The following ARHGEF38 variants were observed in gnomAD, a reference collection of about 807,000 sequenced individuals.
ARHGEF38 encodes the protein Rho guanine nucleotide exchange factor 38, also known as Rho guanine nucleotide exchange factor (GEF) 38.
A neutral mutation model predicts 79.9 loss-of-function variants in ARHGEF38; 79 were observed. The ratio of observed to expected loss-of-function variants is 0.99; its 90% CI spans 0.82 to 1.19. ARHGEF38 has a LOEUF of 1.19. ARHGEF38 is among the 50% of genes most tolerant of loss of function. The pLI is 0.00. For missense variants in ARHGEF38, 962 were observed against 907.2 expected (o/e 1.06, Z -0.78); for synonymous variants, 366 against 328.3 (o/e 1.11, Z -1.24).
intron 9 of ARHGEF38, among the ~76,000 whole-genome samples, chr4:105,656,410 C>T (rs747273185): frequency 3.1e-4 from 47 of 152,160 alleles, no homozygotes; most frequent in Non-Finnish European, 5.1e-4. Context: ...AAGGCAAAGA[C>T]TTCCTATTGA....
At position 105,662,055 on chromosome 4, in the gene ARHGEF38, A is replaced by G. The variant is rs937511146; in HGVS notation, c.1545+2690A>G. ...ATATTGCCAGATTCCCTGCTTAACT[A>G]TGTACCATTTTGGATTCCCACTTGT... is the stretch of plus-strand genomic sequence containing the variant. On this transcript the variant is annotated intron_variant, in intron 10 of 13. Coordinates refer to ENST00000420470, the MANE Select transcript of ARHGEF38 (RefSeq NM_001242729.2). Among the ~76,000 whole-genome samples the G allele has an allele frequency of 5.3e-5, 8 of 152,146 alleles. No individual in the cohort carries two copies. The East Asian group carries it at 1.5e-3, about 29-fold the overall frequency.
chr4:105,558,445 C>T (rs1362287185), intron 1 of ARHGEF38, among the ~76,000 whole-genome samples: 1 of 152,136 alleles, frequency 6.6e-6, no homozygotes, highest in African/African-American at 2.4e-5. Flanking sequence ...TGCCTTCATA[C>T]ACTCTACAGT....
chr4:105,631,027 A>C lies in ARHGEF38; in HGVS notation c.638A>C (p.His213Pro). ...KEEELKEHLS[H>P]CIQSLKKIYM... is the part of the protein sequence containing the mutation. ...GAAGAGCTGAAGGAACATTTGAGCC[A>C]CTGTATCCAGTCCTTAAAGTAAGGC... is the stretch of plus-strand genomic sequence containing the variant. Residue 213 changes from histidine to proline, a missense_variant, in exon 4 of 14, where the codon CAC becomes CCC. Physicochemically the swap from His to Pro is moderately conservative, Grantham distance 77. Transcript: ENST00000420470. 2 of 1,613,410 alleles carry C rather than the reference A, an allele frequency of 1.2e-6. No individual in the cohort carries two copies. The highest frequency in any genetic ancestry group is 1.7e-6 in the Non-Finnish European group (2 of 1,179,778).
chr4:105,625,200 T>A (rs1036940034), intron 3 of ARHGEF38, among the ~76,000 whole-genome samples: 4 of 152,162 alleles, frequency 2.6e-5, no homozygotes, highest in Admixed American at 2.0e-4. Flanking sequence ...ATATCCTCCA[T>A]AACTAACAGT....
chr4:105,647,832 C>T (rs1230035295), intron 6 of ARHGEF38, among the ~76,000 whole-genome samples: 3 of 151,748 alleles, frequency 2.0e-5, no homozygotes, highest in Non-Finnish European at 2.9e-5. Context: ...TGAAGAGGTG[C>T]TCTAGGATCT....
intron 5 of ARHGEF38, among the ~76,000 whole-genome samples, chr4:105,640,822 A>G (rs986315670): frequency 5.3e-5 from 8 of 152,158 alleles, no homozygotes; most frequent in African/African-American, 1.9e-4. Context: ...TAGCTTTCAG[A>G]GTTGCTATTA....
rs1256096963 is a variant in ARHGEF38, at chr4:105,655,713, T to C, written c.1224T>C (p.Cys408=). 6.5e-7 allele frequency: 1 copy of C among 1,534,536 alleles called. No individual in the cohort carries two copies. Among genetic ancestry groups the C allele is most frequent in the Admixed American group, 2.0e-5 (1 of 50,880 alleles). The change falls in exon 9 of 14, where the codon TGT becomes TGC. Residue 408 remains cysteine (C), a synonymous_variant. Transcript: ENST00000420470. ...SETLSNALNS[C]HDFASHLQRL... is the part of the protein sequence containing the mutation. Reference sequence around the variant, plus strand: ...CCCTAAGTAATGCCTTAAATTCGTGTCATGACTTTGTAAGTTATTTATATT... The same window carrying C: ...CCCTAAGTAATGCCTTAAATTCGTGCCATGACTTTGTAAGTTATTTATATT...
At chr4:105,567,799 A>C (rs538767605) in intron 1 of ARHGEF38, among the ~76,000 whole-genome samples, 11 of 152,132 alleles carry the variant, frequency 7.2e-5, no homozygotes, top group South Asian at 6.2e-4. Flanking sequence ...TTATTATTAT[A>C]CTTTAAGTTT....
At chr4:105,650,577 C>T (rs1730059249) in intron 7 of ARHGEF38, among the ~76,000 whole-genome samples, 1 of 152,220 alleles carries the variant, frequency 6.6e-6, no homozygotes, top group African/African-American at 2.4e-5. Context: ...TTTCTCTTTA[C>T]TCCTATCTTC....
intron 1 of ARHGEF38, among the ~76,000 whole-genome samples, chr4:105,581,459 C>G (rs1416922782): frequency 1.3e-5 from 2 of 152,110 alleles, no homozygotes; most frequent in African/African-American, 2.4e-5. Flanking sequence ...CATCTCCTAA[C>G]CTCTCTCACA....
intron 2 of ARHGEF38, among the ~76,000 whole-genome samples, chr4:105,601,996 G>A (rs1349820603): frequency 6.6e-6 from 1 of 152,032 alleles, no homozygotes; most frequent in Non-Finnish European, 1.5e-5. Context: ...ACCTAATACA[G>A]TGCTTTATAC....
Position 105,587,022 on chromosome 4 carries a change from C to T in ARHGEF38, c.197-2226C>T, listed in dbSNP as rs116225069. On this transcript the variant is annotated intron_variant, in intron 1 of 13. Coordinates refer to ENST00000420470, the MANE Select transcript of ARHGEF38 (RefSeq NM_001242729.2). Reference sequence around the variant, plus strand: ...ACAATGCAGCCTCCTCACTGCAGCTCCTCTCATAAGGTGTCCTGTCTTCCT... The same window carrying T: ...ACAATGCAGCCTCCTCACTGCAGCTTCTCTCATAAGGTGTCCTGTCTTCCT... Among the ~76,000 whole-genome samples the T allele has an allele frequency of 7.1e-3, 1,087 of 152,076 alleles. 18 individuals are homozygous for T. The highest frequency in any genetic ancestry group is 0.025 in the African/African-American group (1,053 of 41,492).
intron 13 of ARHGEF38, among the ~76,000 whole-genome samples, chr4:105,668,698 A>G (rs139754882): frequency 3.4e-4 from 51 of 152,148 alleles, no homozygotes; most frequent in African/African-American, 1.1e-3. Context: ...AGATAGATAG[A>G]TAGATAGATG....
chr4:105,589,527 G>C (rs562293060), intron 2 of ARHGEF38, 92 bp downstream of exon 2: 2 of 1,141,804 alleles, frequency 1.8e-6, no homozygotes, highest in African/African-American at 3.1e-5. Flanking sequence ...GTATCAATGG[G>C]ATGATGTGCC....
chr4:105,641,876 C>T (rs947945349), intron 5 of ARHGEF38, among the ~76,000 whole-genome samples: 3 of 151,990 alleles, frequency 2.0e-5, no homozygotes, highest in Non-Finnish European at 2.9e-5. Flanking sequence ...TTTGTAAAGA[C>T]CCAAAAATAA....
chr4:105,608,392 A>AT (rs1164021293), intron 2 of ARHGEF38, among the ~76,000 whole-genome samples: 1 of 151,786 alleles, frequency 6.6e-6, no homozygotes, highest in Non-Finnish European at 1.5e-5. Context: ...TCCTTTGCCC[A>AT]TTTTTGTAAT....
intron 1 of ARHGEF38, among the ~76,000 whole-genome samples, chr4:105,570,415 G>A (rs901796821): frequency 6.6e-6 from 1 of 152,120 alleles, no homozygotes; most frequent in African/African-American, 2.4e-5. Flanking sequence ...TCATGCTGCT[G>A]ATAAAGACAT....
At chr4:105,657,123 G>A (rs1478285051) in intron 9 of ARHGEF38, among the ~76,000 whole-genome samples, 1 of 152,160 alleles carries the variant, frequency 6.6e-6, no homozygotes, top group South Asian at 2.1e-4. Context: ...AGTTCTTTAT[G>A]TATTTTCTGC....
intron 1 of ARHGEF38, among the ~76,000 whole-genome samples, chr4:105,586,226 TG>T (rs932253208): frequency 8.9e-6 from 1 of 112,634 alleles, no homozygotes; most frequent in African/African-American, 4.1e-5. Context: ...CAGAGTTTGT[TG>T]GTTTAAGAAA....
Sources: allele counts gnomAD v4.1 joint callset (sites outside exome capture counted in the v4.1 genomes callset), GRCh38; gene constraint gnomAD v4.1.1; transcripts MANE v1.5; gene names NCBI Gene and HGNC (gene_info 2026-07-23, HGNC 2026-07-21).